The following POLK variants were observed in gnomAD, a reference collection of about 807,000 sequenced individuals.
POLK encodes the protein polymerase (DNA directed) kappa.
Under a neutral mutation model 94.0 loss-of-function variants are expected in POLK, and 76 were observed. That is an observed-to-expected ratio of 0.81 (90% CI 0.67 to 0.98). The LOEUF (loss-of-function observed/expected upper bound fraction) is 0.98. POLK is among the 50% of genes least tolerant of loss of function. POLK has a pLI of 0.00. For synonymous variants in POLK, 349 were observed against 325.4 expected, an observed-to-expected ratio of 1.07 and a Z score of -0.78; for missense variants, 954 against 1,010.1, an observed-to-expected ratio of 0.94 and a Z score of 0.75.
At chr5:75,573,694 T>A in intron 4 of POLK, 44 bp from the exon 5 acceptor site, 1 of 1,523,818 alleles carries the variant, frequency 6.6e-7, no homozygotes, top group Non-Finnish European at 9.1e-7. Context: ...AATATGTCCA[T>A]TTAGGTTTGT....
At chr5:75,599,553 C>T (rs1773245200) in exon 15 of POLK, 1 of 152,008 alleles carries the variant, frequency 6.6e-6, no homozygotes, top group South Asian at 2.1e-4. Context: ...ATGGCAAATA[C>T]AAAGTTGTAG....
chr5:75,596,174 G>A lies in POLK; in HGVS notation c.1529-48G>A, dbSNP rs878877837. 6 of 1,057,972 alleles carry A rather than the reference G, an allele frequency of 5.7e-6. No individual in the cohort carries two copies. The South Asian group carries it at 8.8e-5, about 15-fold the overall frequency. The allele number at this position is 1,057,972 out of a possible 1,614,324, so 65.5% of individuals were successfully genotyped here. The stretch of plus-strand genomic sequence containing the variant: ...CAAAATGTTTTTATGCATTGTGAGT[G>A]AATTGGCTTTGTTCAATTTGAAATT... On this transcript the variant is annotated intron_variant, in intron 12 of 14. Coordinates refer to ENST00000241436, the Ensembl canonical transcript of POLK.
In POLK at chr5:75,569,434, TGAGGGACAATCCA is replaced by T; in HGVS notation, c.353_365del (p.Arg118AsnfsTer2). ...GATGCTTTCTATGCAGCTGTAGAAA[TGAGGGACAATCCA>T]GAATTGAAGGATAAACCCATTGCTG... On this transcript the variant is annotated frameshift_variant, in exon 4 of 15. Coordinates refer to ENST00000241436, the Ensembl canonical transcript of POLK. LOFTEE classifies it high-confidence loss of function. 1 of 1,613,748 alleles carries T rather than the reference TGAGGGACAATCCA, an allele frequency of 6.2e-7. No homozygotes were observed. The highest frequency in any genetic ancestry group is 1.3e-5 in the African/African-American group (1 of 75,034).
At chr5:75,559,422 A>T (rs1770829074) in intron 3 of POLK, among the ~76,000 whole-genome samples, 1 of 151,928 alleles carries the variant, frequency 6.6e-6, no homozygotes, top group African/African-American at 2.4e-5. Flanking sequence ...TCAAGTAGAC[A>T]GATGTTTATG....
At chr5:75,516,671 C>CA (rs915812851) in intron 1 of POLK, among the ~76,000 whole-genome samples, 11 of 151,532 alleles carry the variant, frequency 7.3e-5, no homozygotes, top group Admixed American at 3.9e-4. Context: ...TCTCCAAAAA[C>CA]AAAAAAACAA....
exon 15 of POLK, chr5:75,599,323 A>T (rs1198765504): frequency 6.6e-6 from 1 of 152,054 alleles, no homozygotes; most frequent in East Asian, 1.9e-4. Context: ...TAAGGAGCTA[A>T]ATCTTTTATA....
exon 13 of POLK, chr5:75,596,883 T>G: frequency 1.9e-6 from 3 of 1,613,666 alleles, no homozygotes; most frequent in Non-Finnish European, 2.5e-6. Flanking sequence ...AATGTTCTAG[T>G]CTCCCAAGCA....
chr5:75,566,088 A>G (rs375478815), intron 3 of POLK, among the ~76,000 whole-genome samples: 1 of 152,218 alleles, frequency 6.6e-6, no homozygotes, highest in Non-Finnish European at 1.5e-5. Flanking sequence ...CTAGGAAGGC[A>G]GTCTGGCTAC....
chr5:75,544,838 C>T (rs571414480), intron 1 of POLK, among the ~76,000 whole-genome samples: 5 of 152,210 alleles, frequency 3.3e-5, no homozygotes, highest in South Asian at 2.1e-4. Context: ...ATTAATGAAG[C>T]GTAAGGCAAA....
upstream of POLK, chr5:75,511,259 G>A (rs531391851): frequency 8.1e-6 from 13 of 1,599,332 alleles, no homozygotes; most frequent in African/African-American, 8.0e-5. Context: ...CAGCTGCGCC[G>A]GAGGAGGCGC....
chr5:75,515,176 G>GTAT (rs1768265346), intron 1 of POLK, among the ~76,000 whole-genome samples: 1 of 152,108 alleles, frequency 6.6e-6, no homozygotes, highest in African/African-American at 2.4e-5. Context: ...AAGGAAAAAC[G>GTAT]TATTGATTTA....
upstream of POLK, chr5:75,511,750 G>A: frequency 6.5e-7 from 1 of 1,550,010 alleles, no homozygotes; most frequent in Middle Eastern, 1.7e-4. Flanking sequence ...TCCTCCTCCC[G>A]AACCCTACCT....
intron 10 of POLK, among the ~76,000 whole-genome samples, chr5:75,589,652 G>T (rs1420863635): frequency 1.3e-5 from 2 of 152,034 alleles, no homozygotes; most frequent in African/African-American, 4.8e-5. Context: ...CTGACACATT[G>T]GTTGCCACTA....
intron 3 of POLK, among the ~76,000 whole-genome samples, chr5:75,557,989 A>G (rs1184020363): frequency 6.6e-6 from 1 of 152,082 alleles, no homozygotes; most frequent in Non-Finnish European, 1.5e-5. Flanking sequence ...GGGTTTCACC[A>G]TGTTGGCCAG....
intron 2 of POLK, among the ~76,000 whole-genome samples, chr5:75,549,267 C>T (rs1770213401): frequency 6.6e-6 from 1 of 151,946 alleles, no homozygotes; most frequent in Admixed American, 6.6e-5. Context: ...ATCTGATCCT[C>T]CCTCTCTATT....
downstream of POLK, among the ~76,000 whole-genome samples, chr5:75,603,545 C>T (rs1773349306): frequency 1.3e-5 from 2 of 152,092 alleles, no homozygotes; most frequent in South Asian, 2.1e-4. Context: ...TGTAAATGCT[C>T]CCACCATGAC....
At chr5:75,585,007 G>A in intron 9 of POLK, 81 bp downstream of exon 9, 1 of 843,328 alleles carries the variant, frequency 1.2e-6, no homozygotes, top group Non-Finnish European at 1.9e-6. Context: ...GAGGCTATAT[G>A]GATAACATGT....
intron 1 of POLK, chr5:75,512,833 AAG>A (rs1491517814): frequency 6.6e-6 from 1 of 152,268 alleles, no homozygotes; most frequent in Non-Finnish European, 1.5e-5. Context: ...TTTCGAGTCT[AAG>A]GGAAAACGCT....
At chr5:75,579,878 A>T (rs1303243285) in intron 6 of POLK, among the ~76,000 whole-genome samples, 1 of 150,722 alleles carries the variant, frequency 6.6e-6, no homozygotes, top group African/African-American at 2.4e-5. Flanking sequence ...GAAACCCTAT[A>T]TTTACCAAAA....
Sources: gnomAD v4.1 joint callset for allele counts (sites outside exome capture counted in the v4.1 genomes callset) on GRCh38, gnomAD v4.1.1 for gene constraint, MANE v1.5 for transcripts, NCBI Gene and HGNC (gene_info 2026-07-23, HGNC 2026-07-21) for gene names.